The following ACSL3 variants were observed in gnomAD, a reference collection of about 807,000 sequenced individuals.
ACSL3 encodes fatty acid CoA ligase Acsl3.
A neutral mutation model predicts 84.7 loss-of-function variants in ACSL3; 34 were observed. The ratio of observed to expected loss-of-function variants is 0.40; its 90% CI spans 0.31 to 0.53. The LOEUF (loss-of-function observed/expected upper bound fraction) is 0.53. Among genes scored for constraint, ACSL3 ranks in the 20% least tolerant of loss-of-function variants. ACSL3 has a pLI of 0.48. For missense variants in ACSL3, 680 were observed against 873.1 expected, an observed-to-expected ratio of 0.78 and a Z score of 2.79; for synonymous variants, 315 against 299.4, an observed-to-expected ratio of 1.05 and a Z score of -0.54.
chr2:222,917,997 T>C, intron 5 of ACSL3, 49 bp from the exon 6 acceptor site: 1 of 1,331,616 alleles, frequency 7.5e-7, no homozygotes, highest in South Asian at 1.2e-5. Flanking sequence ...GACTTTACAT[T>C]TGTAGTTAAA....
intron 1 of ACSL3, among the ~76,000 whole-genome samples, chr2:222,875,524 T>G (rs1213044789): frequency 1.3e-5 from 2 of 152,228 alleles, no homozygotes; most frequent in Non-Finnish European, 2.9e-5. Context: ...TCCTTTTGGT[T>G]CCTGGAAAAG....
Position 222,943,749 on chromosome 2 carries a change from A to G in ACSL3, c.*2095A>G, listed in dbSNP as rs1697387480. 6.6e-6 allele frequency: 1 copy of G among 152,128 alleles called. No homozygotes were observed. The highest frequency in any genetic ancestry group is 2.4e-5 in the African/African-American group (1 of 41,446). The allele number at this position is 152,128 out of a possible 1,614,324, so 9.4% of individuals were successfully genotyped here. A position where few individuals can be genotyped will look rare whatever the true frequency, so the allele number is the denominator to read the frequency against. On this transcript the variant is annotated 3_prime_UTR_variant, in exon 17 of 17. Transcript: ENST00000357430. ...TAAGCAAAACTATCTTTAGTGACTTAAAAAATAATATCCTCTAAAATTACC... is the reference window on the plus strand; with the variant it reads ...TAAGCAAAACTATCTTTAGTGACTTGAAAAATAATATCCTCTAAAATTACC...
At chr2:222,894,431 A>G (rs182303584) in intron 2 of ACSL3, among the ~76,000 whole-genome samples, 1 of 152,372 alleles carries the variant, frequency 6.6e-6, no homozygotes, top group Admixed American at 6.5e-5. Context: ...ACATTTTAAA[A>G]AACACATTTC....
rs202114677 is a variant in ACSL3, at chr2:222,862,307, T to TA, written c.-207+1051dup. ...TTAGCTTGCCTCAGATCTCAGCTAG[T>TA]AAGAAGCTGGGATTCAGACAGGCCT... On this transcript the variant is annotated intron_variant, in intron 1 of 16. Transcript: ENST00000357430. Among the ~76,000 whole-genome samples, 722 of 152,314 alleles carry TA rather than the reference T, an allele frequency of 4.7e-3. 9 individuals carry two copies. The highest frequency in any genetic ancestry group is 0.016 in the African/African-American group (685 of 41,560).
At chr2:222,874,857 C>T (rs1188043354) in intron 1 of ACSL3, among the ~76,000 whole-genome samples, 3 of 151,154 alleles carry the variant, frequency 2.0e-5, no homozygotes, top group Non-Finnish European at 4.4e-5. Context: ...ACTGTAATCC[C>T]AGTACTCAGG....
At chr2:222,923,546 C>G (rs1247911344) in intron 10 of ACSL3, among the ~76,000 whole-genome samples, 1 of 152,134 alleles carries the variant, frequency 6.6e-6, no homozygotes, top group African/African-American at 2.4e-5. Context: ...GAAAGTCTGG[C>G]CTAAACACCA....
chr2:222,919,539 C>G (rs1046984583), intron 7 of ACSL3, among the ~76,000 whole-genome samples: 2 of 151,990 alleles, frequency 1.3e-5, no homozygotes, highest in Non-Finnish European at 2.9e-5. Context: ...TGTGAATTAC[C>G]TGTAAGTGTT....
chr2:222,883,444 A>G (rs1036577793), intron 1 of ACSL3, among the ~76,000 whole-genome samples: 3 of 152,038 alleles, frequency 2.0e-5, no homozygotes, highest in Non-Finnish European at 2.9e-5. Flanking sequence ...CGGCCTCCCA[A>G]AGTGCTGAGA....
chr2:222,935,505 G>T (rs1260155814), intron 16 of ACSL3, among the ~76,000 whole-genome samples: 1 of 152,126 alleles, frequency 6.6e-6, no homozygotes, highest in Non-Finnish European at 1.5e-5. Flanking sequence ...ACCATGCCAG[G>T]CTCCAGCATT....
At chr2:222,891,244 T>C (rs775660317) in intron 2 of ACSL3, among the ~76,000 whole-genome samples, 1 of 152,200 alleles carries the variant, frequency 6.6e-6, no homozygotes, top group Non-Finnish European at 1.5e-5. Context: ...AGAATCCTAT[T>C]CAGTATTGTC....
Position 222,930,611 on chromosome 2 carries a change from A to T in ACSL3, c.1541-10A>T. ...TAACTCAACTATTAACTCAATTATTATTTTATTAGGTGGATACTTTAATAC... is the reference window on the plus strand; with the variant it reads ...TAACTCAACTATTAACTCAATTATTTTTTTATTAGGTGGATACTTTAATAC... On this transcript the variant is annotated splice_polypyrimidine_tract_variant and intron_variant, in intron 13 of 16. Transcript: ENST00000357430. 2 of 1,571,944 alleles carry T rather than the reference A, an allele frequency of 1.3e-6. No individual in the cohort carries two copies. Among genetic ancestry groups the T allele is most frequent in the Non-Finnish European group, 8.6e-7 (1 of 1,159,474 alleles).
intron 3 of ACSL3, chr2:222,904,931 C>T (rs1696253622): frequency 6.5e-6 from 1 of 153,334 alleles, no homozygotes; most frequent in African/African-American, 2.4e-5. Context: ...TCCTGTGTCC[C>T]AGGAAACTAC....
chr2:222,924,273 A>G (rs1483807521), intron 10 of ACSL3, among the ~76,000 whole-genome samples, 183 bp from the exon 11 acceptor site: 1 of 152,210 alleles, frequency 6.6e-6, no homozygotes, highest in African/African-American at 2.4e-5. Context: ...TTTGATCTTG[A>G]TAGGATACAT....
intron 2 of ACSL3, among the ~76,000 whole-genome samples, chr2:222,891,426 T>C (rs1038453197): frequency 2.0e-5 from 3 of 152,246 alleles, no homozygotes; most frequent in Non-Finnish European, 4.4e-5. Flanking sequence ...TATGCACATA[T>C]GCATGTGTGT....
At chr2:222,922,947 T>G (rs1164209884) in intron 9 of ACSL3, 116 bp downstream of exon 9, 2 of 1,448,942 alleles carry the variant, frequency 1.4e-6, no homozygotes, top group Non-Finnish European at 1.9e-6. Context: ...AAAATGAGCT[T>G]TAGCCTTTTA....
At chr2:222,921,677 C>G (rs925375573) in intron 8 of ACSL3, among the ~76,000 whole-genome samples, 1 of 151,800 alleles carries the variant, frequency 6.6e-6, no homozygotes, top group Non-Finnish European at 1.5e-5. Flanking sequence ...GTTGTAAATC[C>G]TTTGTTTTAA....
intron 5 of ACSL3, among the ~76,000 whole-genome samples, chr2:222,917,091 TTTC>T (rs1696604724): frequency 2.0e-5 from 3 of 152,088 alleles, no homozygotes; most frequent in African/African-American, 7.2e-5. Context: ...TCCTCCACCT[TTTC>T]TTTTTCTTTT....
intron 3 of ACSL3, 76 bp from the exon 4 acceptor site, chr2:222,908,657 C>A: frequency 9.6e-7 from 1 of 1,037,488 alleles, no homozygotes; most frequent in Non-Finnish European, 1.4e-6. Context: ...AAAAAATCTT[C>A]ATTTGCCGAT....
intron 5 of ACSL3, 195 bp from the exon 6 acceptor site, chr2:222,917,851 G>T (rs957408122): frequency 2.7e-6 from 1 of 376,178 alleles, no homozygotes; most frequent in Non-Finnish European, 4.7e-6. Context: ...AAATCTTGGG[G>T]CATTTAGGGG....
Sources: gnomAD v4.1 joint callset for allele counts (sites outside exome capture counted in the v4.1 genomes callset) on GRCh38, gnomAD v4.1.1 for gene constraint, MANE v1.5 for transcripts, NCBI Gene and HGNC (gene_info 2026-07-23, HGNC 2026-07-21) for gene names.